Variants in UBE2E2 observed in about 807,000 individuals in gnomAD.
UBE2E2 encodes ubiquitin-conjugating enzyme E2 E2.
In UBE2E2, 6 loss-of-function variants were observed where a neutral mutation model predicts 24.7. That is an observed-to-expected ratio of 0.24 (90% CI 0.13 to 0.48). UBE2E2 has a LOEUF of 0.48. Among genes scored for constraint, UBE2E2 ranks in the 20% least tolerant of loss-of-function variants. The probability of loss-of-function intolerance (pLI) is 0.99; values close to 1 mark genes in which losing one functional copy is unlikely to be tolerated. For missense variants in UBE2E2, 169 were observed against 245.0 expected, an observed-to-expected ratio of 0.69 and a Z score of 2.07; for synonymous variants, 104 against 83.6, an observed-to-expected ratio of 1.24 and a Z score of -1.33.
chr3:23,524,320 C>T (rs962328260), intron 4 of UBE2E2, among the ~76,000 whole-genome samples: 2 of 152,050 alleles, frequency 1.3e-5, no homozygotes, highest in African/African-American at 4.8e-5. Flanking sequence ...TAAAGTGATG[C>T]ATTCTCAGTT....
intron 3 of UBE2E2, among the ~76,000 whole-genome samples, chr3:23,347,022 G>T (rs569059617): frequency 2.0e-5 from 3 of 152,234 alleles, no homozygotes; most frequent in South Asian, 4.1e-4. Context: ...GTGCTATCCT[G>T]TGCCTTTCCA....
chr3:23,272,762 A>G (rs1698279627), intron 3 of UBE2E2, among the ~76,000 whole-genome samples: 2 of 152,228 alleles, frequency 1.3e-5, no homozygotes, highest in South Asian at 4.2e-4. Context: ...CAAGCTGGAG[A>G]CTCAGGAGAG....
chr3:23,544,794 C>T (rs985539090), intron 5 of UBE2E2, among the ~76,000 whole-genome samples: 3 of 152,186 alleles, frequency 2.0e-5, no homozygotes, highest in African/African-American at 7.2e-5. Context: ...CAGCGTTCAG[C>T]ATATGGAGGA....
intron 3 of UBE2E2, among the ~76,000 whole-genome samples, chr3:23,323,080 C>G (rs1694788232): frequency 6.6e-6 from 1 of 151,880 alleles, no homozygotes; most frequent in South Asian, 2.1e-4. Context: ...TAGGAATTAT[C>G]TAGATTTATT....
chr3:23,248,497 A>G (rs1269648259), intron 3 of UBE2E2, among the ~76,000 whole-genome samples: 1 of 152,254 alleles, frequency 6.6e-6, no homozygotes, highest in African/African-American at 2.4e-5. Flanking sequence ...AATAAAATAT[A>G]AACATTAAAT....
At chr3:23,361,083 A>G (rs544964078) in intron 3 of UBE2E2, among the ~76,000 whole-genome samples, 4 of 152,252 alleles carry the variant, frequency 2.6e-5, no homozygotes, top group African/African-American at 7.2e-5. Context: ...AGAAATGCTC[A>G]ACATCACTGA....
At chr3:23,440,869 GTTC>G (rs1166820597) in intron 3 of UBE2E2, among the ~76,000 whole-genome samples, 1 of 152,098 alleles carries the variant, frequency 6.6e-6, no homozygotes, top group Non-Finnish European at 1.5e-5. Flanking sequence ...CCTGTAACTG[GTTC>G]TTGTTACGGC....
At chr3:23,382,976 G>C (rs1696713877) in intron 3 of UBE2E2, among the ~76,000 whole-genome samples, 1 of 152,106 alleles carries the variant, frequency 6.6e-6, no homozygotes, top group South Asian at 2.1e-4. Flanking sequence ...TGTACGTTAA[G>C]GAGCTTTAAC....
intron 3 of UBE2E2, among the ~76,000 whole-genome samples, chr3:23,494,351 CA>C (rs1445028841): frequency 6.6e-6 from 1 of 152,108 alleles, no homozygotes; most frequent in Non-Finnish European, 1.5e-5. Context: ...ACCATTTCAA[CA>C]TGTAGTTGTT....
chr3:23,591,836 C>G (rs1004082697), downstream of UBE2E2: 1 of 152,150 alleles, frequency 6.6e-6, no homozygotes, highest in Admixed American at 6.5e-5. Context: ...CCTACAGTTT[C>G]TCACCACAAA....
chr3:23,205,399 A>G (rs1696120423), intron 1 of UBE2E2, among the ~76,000 whole-genome samples: 1 of 152,194 alleles, frequency 6.6e-6, no homozygotes, highest in African/African-American at 2.4e-5. Context: ...AGGAATTTTT[A>G]TTCATTTGTA....
chr3:23,339,197 A>G (rs920912446), intron 3 of UBE2E2, among the ~76,000 whole-genome samples: 5 of 152,140 alleles, frequency 3.3e-5, no homozygotes, highest in Non-Finnish European at 7.4e-5. Flanking sequence ...CATCAAACCC[A>G]AATTGAGGGC....
At chr3:23,545,738 A>T (rs1273474615) in intron 5 of UBE2E2, among the ~76,000 whole-genome samples, 2 of 152,224 alleles carry the variant, frequency 1.3e-5, no homozygotes, top group Admixed American at 6.5e-5. Context: ...CGCAATTGAC[A>T]ATCGCAAAGA....
intron 5 of UBE2E2, among the ~76,000 whole-genome samples, chr3:23,551,622 G>T (rs539486451): frequency 1.5e-4 from 23 of 152,306 alleles, no homozygotes; most frequent in Admixed American, 1.3e-3. Flanking sequence ...CTTTGAGAAG[G>T]TGTGGTTAGA....
At chr3:23,360,472 T>A (rs1235285634) in intron 3 of UBE2E2, among the ~76,000 whole-genome samples, 3 of 152,112 alleles carry the variant, frequency 2.0e-5, no homozygotes, top group Non-Finnish European at 4.4e-5. Flanking sequence ...CAAATAGACA[T>A]AAGAAAATAA....
intron 3 of UBE2E2, among the ~76,000 whole-genome samples, chr3:23,438,696 A>G (rs1446855480): frequency 6.6e-6 from 1 of 152,242 alleles, no homozygotes; most frequent in Non-Finnish European, 1.5e-5. Flanking sequence ...GGTTTGATAT[A>G]TGCTTGAAAT....
intron 3 of UBE2E2, among the ~76,000 whole-genome samples, chr3:23,318,008 C>G (rs554074552): frequency 2.7e-4 from 41 of 152,056 alleles, no homozygotes; most frequent in Non-Finnish European, 4.1e-4. Flanking sequence ...AGTGGAGCTT[C>G]TATTTGGCCA....
At chr3:23,382,588 G>C (rs1371201380) in intron 3 of UBE2E2, among the ~76,000 whole-genome samples, 1 of 152,108 alleles carries the variant, frequency 6.6e-6, no homozygotes, top group Admixed American at 6.5e-5. Flanking sequence ...TTTTTATCTT[G>C]AGCGAAGTAG....
At chr3:23,256,297 G>A (rs1292708285) in intron 3 of UBE2E2, among the ~76,000 whole-genome samples, 1 of 152,110 alleles carries the variant, frequency 6.6e-6, no homozygotes, top group Non-Finnish European at 1.5e-5. Flanking sequence ...AATGATGATT[G>A]TTTATTTTAG....
Sources: allele counts gnomAD v4.1 joint callset (sites outside exome capture counted in the v4.1 genomes callset), GRCh38; gene constraint gnomAD v4.1.1; transcripts MANE v1.5; gene names NCBI Gene and HGNC (gene_info 2026-07-23, HGNC 2026-07-21).